Variants in ROBO2 observed in about 807,000 individuals in gnomAD.
ROBO2 encodes roundabout guidance receptor 2.
Under a neutral mutation model 160.8 loss-of-function variants are expected in ROBO2, and 53 were observed. The observed-to-expected ratio is 0.33, with a 90% confidence interval of 0.26 to 0.41. ROBO2 has a LOEUF of 0.41. Among genes scored for constraint, ROBO2 ranks in the 10% least tolerant of loss-of-function variants. ROBO2 has a pLI of 1.00. For synonymous variants in ROBO2, 664 were observed against 611.7 expected (o/e 1.09, Z -1.26); for missense variants, 1,577 against 1,722.4 (o/e 0.92, Z 1.49).
At chr3:76,766,888 T>C (rs993443073) in intron 2 of ROBO2, among the ~76,000 whole-genome samples, 5 of 151,646 alleles carry the variant, frequency 3.3e-5, no homozygotes, top group South Asian at 2.1e-4. Context: ...GACTCTAATA[T>C]TGACTTTCTG....
At chr3:76,727,242 G>A (rs1215603662) in intron 2 of ROBO2, among the ~76,000 whole-genome samples, 1 of 152,054 alleles carries the variant, frequency 6.6e-6, no homozygotes, top group African/African-American at 2.4e-5. Flanking sequence ...AGAAGATCTG[G>A]GCTCCAGTCT....
intron 2 of ROBO2, among the ~76,000 whole-genome samples, chr3:76,203,874 G>A (rs1702679576): frequency 6.6e-6 from 1 of 152,234 alleles, no homozygotes. Context: ...CATGGTTCTA[G>A]TAACCTGATC....
intron 2 of ROBO2, among the ~76,000 whole-genome samples, chr3:76,192,306 T>A (rs1035589241): frequency 3.3e-5 from 5 of 152,020 alleles, no homozygotes; most frequent in African/African-American, 1.2e-4. Context: ...TCCTGCCATT[T>A]CCCTAGTTAG....
intron 2 of ROBO2, among the ~76,000 whole-genome samples, chr3:76,832,742 G>A (rs1146021): frequency 0.47 from 71,078 of 151,926 alleles, 17,433 homozygotes; most frequent in Middle Eastern, 0.56. Context: ...CTGGAGAGAA[G>A]TAAGTGACAA....
At chr3:75,934,978 G>C (rs1435578337) in intron 1 of ROBO2, among the ~76,000 whole-genome samples, 1 of 152,130 alleles carries the variant, frequency 6.6e-6, no homozygotes, top group Non-Finnish European at 1.5e-5. Flanking sequence ...TTGATACTAA[G>C]TGAAAGTGGT....
intron 2 of ROBO2, among the ~76,000 whole-genome samples, chr3:76,332,413 TTTG>T (rs545465392): frequency 8.8e-4 from 134 of 152,288 alleles, no homozygotes; most frequent in African/African-American, 3.2e-3. Context: ...GTCAAAAATT[TTTG>T]TTATTTGACT....
At chr3:75,950,393 A>G (rs1948489663) in intron 2 of ROBO2, among the ~76,000 whole-genome samples, 1 of 152,134 alleles carries the variant, frequency 6.6e-6, no homozygotes, top group African/African-American at 2.4e-5. Context: ...ATACAAGATT[A>G]TAGCTTAATA....
chr3:76,562,364 G>A (rs552560318), intron 2 of ROBO2, among the ~76,000 whole-genome samples: 2 of 151,830 alleles, frequency 1.3e-5, no homozygotes, highest in African/African-American at 2.4e-5. Flanking sequence ...TACACTCTCC[G>A]ATGTTAGTCA....
chr3:77,546,471 G>A lies in ROBO2; in HGVS notation c.1059+9G>A, dbSNP rs2153649287. ...AGAAAGAAGGCAGCCAGGTGAGTGTGAGGCTTCACTGCTTTTCTGAAATCT... is the reference window on the plus strand; with the variant it reads ...AGAAAGAAGGCAGCCAGGTGAGTGTAAGGCTTCACTGCTTTTCTGAAATCT... On this transcript the variant is annotated intron_variant, in intron 7 of 25. Coordinates refer to ENST00000461745, the Ensembl canonical transcript of ROBO2. The A allele has an allele frequency of 6.2e-7, 1 of 1,612,886 alleles. No homozygotes were observed. Among genetic ancestry groups the A allele is most frequent in the East Asian group, 2.2e-5 (1 of 44,828 alleles).
intron 12 of ROBO2, 42 bp downstream of exon 13, chr3:77,565,162 A>G: frequency 5.0e-6 from 8 of 1,606,448 alleles, no homozygotes; most frequent in Non-Finnish European, 6.8e-6. Flanking sequence ...CTAGGCAGAA[A>G]CATCAGATAT....
At chr3:76,479,770 G>A (rs923435171) in intron 2 of ROBO2, among the ~76,000 whole-genome samples, 3 of 152,164 alleles carry the variant, frequency 2.0e-5, no homozygotes, top group Non-Finnish European at 4.4e-5. Context: ...GAGACCCAGA[G>A]GAATTCAGTG....
At chr3:77,316,332 C>A (rs2063987586) in intron 2 of ROBO2, among the ~76,000 whole-genome samples, 1 of 152,116 alleles carries the variant, frequency 6.6e-6, no homozygotes. Context: ...ATAAAAAAGT[C>A]TCATTCAGAT....
chr3:76,074,200 C>T (rs1448235815), intron 2 of ROBO2, among the ~76,000 whole-genome samples: 2 of 151,856 alleles, frequency 1.3e-5, no homozygotes, highest in East Asian at 3.9e-4. Flanking sequence ...CTCTGTGGCG[C>T]CTGTGTGGAA....
At chr3:76,613,686 C>A (rs186744887) in intron 2 of ROBO2, among the ~76,000 whole-genome samples, 1 of 151,528 alleles carries the variant, frequency 6.6e-6, no homozygotes, top group Admixed American at 6.6e-5. Context: ...AGGAGAGGGG[C>A]GTGAGTTAAA....
intron 1 of ROBO2, among the ~76,000 whole-genome samples, chr3:75,935,553 A>T (rs1947735425): frequency 6.6e-6 from 1 of 152,176 alleles, no homozygotes; most frequent in South Asian, 2.1e-4. Flanking sequence ...AAATCCAGAT[A>T]TATAAATATT....
At chr3:76,066,584 G>C (rs1447992767) in intron 2 of ROBO2, among the ~76,000 whole-genome samples, 1 of 151,660 alleles carries the variant, frequency 6.6e-6, no homozygotes, top group African/African-American at 2.4e-5. Flanking sequence ...TTATTTTAAG[G>C]ATATTAGAAT....
chr3:76,788,633 T>C (rs989601658), intron 2 of ROBO2, among the ~76,000 whole-genome samples: 1 of 151,580 alleles, frequency 6.6e-6, no homozygotes, highest in Non-Finnish European at 1.5e-5. Flanking sequence ...CTTTAAATTA[T>C]ATCCATTTCA....
At chr3:76,468,693 C>T (rs1416310060) in intron 2 of ROBO2, among the ~76,000 whole-genome samples, 1 of 151,896 alleles carries the variant, frequency 6.6e-6, no homozygotes, top group Non-Finnish European at 1.5e-5. Flanking sequence ...CTGAAAACCT[C>T]TTCCCTTTAT....
chr3:77,509,855 A>G lies in ROBO2; in HGVS notation c.807-12920A>G, dbSNP rs544804548. Among the ~76,000 whole-genome samples, 29 of 152,228 alleles carry G rather than the reference A, an allele frequency of 1.9e-4. No homozygotes were observed. The South Asian group carries it at 2.5e-3, about 13-fold the overall frequency. On this transcript the variant is annotated intron_variant, in intron 5 of 25. Coordinates refer to ENST00000461745, the Ensembl canonical transcript of ROBO2. ...GAGGATACAGCTGTTAATAAAAGTG[A>G]CAGGGTCATGCTTTTATGGAGATTG...
Sources: allele counts gnomAD v4.1 joint callset (sites outside exome capture counted in the v4.1 genomes callset), GRCh38; gene constraint gnomAD v4.1.1; transcripts MANE v1.5; gene names NCBI Gene and HGNC (gene_info 2026-07-23, HGNC 2026-07-21).